The following MED13 variants were observed in gnomAD, a reference collection of about 807,000 sequenced individuals.
MED13 encodes mediator complex subunit 13.
MED13 carries 23 observed loss-of-function variants against 225.2 expected under a neutral mutation model. That is an observed-to-expected ratio of 0.10 (90% CI 0.07 to 0.14). The LOEUF (loss-of-function observed/expected upper bound fraction) is 0.14. Ranked by LOEUF, MED13 falls within the 10% of genes least tolerant of loss-of-function variation. MED13 has a pLI of 1.00. For synonymous variants in MED13, 942 were observed against 889.2 expected, an observed-to-expected ratio of 1.06 and a Z score of -1.06; for missense variants, 2,197 against 2,594.5, an observed-to-expected ratio of 0.85 and a Z score of 3.33.
intron 9 of MED13, among the ~76,000 whole-genome samples, chr17:62,009,583 G>A (rs1384196712): frequency 1.3e-5 from 2 of 152,120 alleles, no homozygotes; most frequent in Non-Finnish European, 2.9e-5. Flanking sequence ...AACTATAGAG[G>A]AAAATATAGT....
chr17:62,009,741 T>TTG (rs1181488510), intron 9 of MED13, among the ~76,000 whole-genome samples: 1 of 152,152 alleles, frequency 6.6e-6, no homozygotes, highest in Non-Finnish European at 1.5e-5. Flanking sequence ...AAAAAAATTC[T>TTG]TATACAAGTA....
rs571724153 is a variant in MED13, at chr17:62,057,020, GA to G, written c.302-4316del. Among the ~76,000 whole-genome samples, 16 of 151,448 alleles carry G rather than the reference GA, an allele frequency of 1.1e-4. No homozygotes were observed. The East Asian group carries it at 2.5e-3, about 24-fold the overall frequency. ...ATCAAAATAATTCTCTATCAATGGG[GA>G]AAAAAAATCACAACCAAAAAAGCAG... On this transcript the variant is annotated intron_variant, in intron 2 of 29. Coordinates refer to ENST00000397786, the MANE Select transcript of MED13 (RefSeq NM_005121.3).
In MED13 at chr17:61,961,588, A is replaced by C. The variant is rs372636975; in HGVS notation, c.5256T>G (p.Asp1752Glu). Residue 1752 changes from aspartate to glutamate, a missense_variant and splice_region_variant, in exon 22 of 30, where the codon GAT becomes GAG. Physicochemically the swap from Asp to Glu is conservative, Grantham distance 45 (BLOSUM62 2). This residue lies in a region of MED13 where 457 missense variants were observed against 442.2 expected (regional missense o/e 1.03). Transcript: ENST00000397786. ...LAMETALRSPDRPECIRLYAP... is the reference protein window; with the variant it reads ...LAMETALRSPERPECIRLYAP... Reference sequence around the variant, plus strand: ...TCGGTCATGAAAAACATATACTTACATCAGGACTTCTAAGGGCAGTTTCCA... The same window carrying C: ...TCGGTCATGAAAAACATATACTTACCTCAGGACTTCTAAGGGCAGTTTCCA... The C allele has an allele frequency of 1.6e-5, 26 of 1,611,420 alleles. No homozygotes were observed. Among genetic ancestry groups the C allele is most frequent in the Non-Finnish European group, 2.2e-5 (26 of 1,178,804 alleles).
intron 3 of MED13, among the ~76,000 whole-genome samples, chr17:62,046,618 T>C (rs2143734572): frequency 6.6e-6 from 1 of 152,256 alleles, no homozygotes; most frequent in South Asian, 2.1e-4. Context: ...AGATGGTGGG[T>C]AGCTTGAGCT....
intron 2 of MED13, among the ~76,000 whole-genome samples, chr17:62,058,747 C>T (rs1398992929): frequency 6.6e-6 from 1 of 152,170 alleles, no homozygotes; most frequent in Admixed American, 6.5e-5. Flanking sequence ...TTGGCTAATA[C>T]TAGTTAGCAC....
At chr17:62,033,729 A>G in intron 5 of MED13, 58 bp downstream of exon 5, 1 of 1,512,158 alleles carries the variant, frequency 6.6e-7, no homozygotes, top group Non-Finnish European at 9.1e-7. Context: ...TCAGCAAAAT[A>G]TAACTAACAC....
At chr17:62,030,130 T>G in intron 6 of MED13, 117 bp from the exon 7 acceptor site, 1 of 1,015,602 alleles carries the variant, frequency 9.8e-7, no homozygotes, top group Non-Finnish European at 1.3e-6. Context: ...GTAAAATTAT[T>G]TATATTTTGA....
At chr17:62,041,670 G>A (rs2080854073) in intron 3 of MED13, among the ~76,000 whole-genome samples, 1 of 151,996 alleles carries the variant, frequency 6.6e-6, no homozygotes, top group Non-Finnish European at 1.5e-5. Flanking sequence ...TCCACCTCCT[G>A]AGCTCAAGCG....
At chr17:62,019,065 G>A (rs950721853) in intron 8 of MED13, among the ~76,000 whole-genome samples, 12 of 152,150 alleles carry the variant, frequency 7.9e-5, no homozygotes, top group African/African-American at 2.9e-4. Flanking sequence ...TATCAAAGAA[G>A]AATATCCACA....
At chr17:61,974,723 C>T (rs148747095) in intron 16 of MED13, among the ~76,000 whole-genome samples, 1,580 of 152,084 alleles carry the variant, frequency 0.01, 17 homozygotes, top group South Asian at 0.038. Flanking sequence ...AACTAGATAT[C>T]CACATGCAAA....
chr17:62,050,334 G>A (rs944187956), intron 3 of MED13, among the ~76,000 whole-genome samples: 1 of 151,532 alleles, frequency 6.6e-6, no homozygotes, highest in Non-Finnish European at 1.5e-5. Context: ...CTCCAGCCTG[G>A]GCAACAAGAG....
chr17:62,017,961 T>C (rs2080599514), intron 8 of MED13, among the ~76,000 whole-genome samples: 1 of 152,202 alleles, frequency 6.6e-6, no homozygotes, highest in Non-Finnish European at 1.5e-5. Context: ...AAAGGACTGG[T>C]AGATAAACTA....
At chr17:61,982,173 A>G (rs758045062) in intron 16 of MED13, 25 bp downstream of exon 16, 2 of 1,568,596 alleles carry the variant, frequency 1.3e-6, no homozygotes, top group Non-Finnish European at 1.7e-6. Flanking sequence ...AGCAAACAAA[A>G]AAGTATTTTA....
chr17:61,967,226 TAATATG>T (rs2080066820), intron 18 of MED13, among the ~76,000 whole-genome samples: 1 of 152,200 alleles, frequency 6.6e-6, no homozygotes. Flanking sequence ...TTTAAAAACC[TAATATG>T]AATTGTAAAT....
At chr17:62,049,436 A>G (rs945168166) in intron 3 of MED13, among the ~76,000 whole-genome samples, 1 of 152,204 alleles carries the variant, frequency 6.6e-6, no homozygotes, top group Non-Finnish European at 1.5e-5. Context: ...TGTCTCTATC[A>G]TAACTATTTA....
intron 17 of MED13, among the ~76,000 whole-genome samples, chr17:61,969,279 G>T (rs75594946): frequency 3.9e-5 from 6 of 151,954 alleles, no homozygotes; most frequent in Non-Finnish European, 5.9e-5. Context: ...TTGAACCCAG[G>T]GGGTGGAGGT....
chr17:61,965,447 G>A lies in MED13; in HGVS notation c.4403C>T (p.Pro1468Leu), dbSNP rs1251767080. The change falls in exon 20 of 30, where the codon CCA becomes CTA. Residue 1468 changes from proline to leucine, a missense_variant. This residue lies in a region of MED13 where 457 missense variants were observed against 442.2 expected (regional missense o/e 1.03). Transcript: ENST00000397786. ...YDLGPYLASL[P>L]LDSSLLSQPN... ...CTGGGAAAGTAGAGAGCTGTCCAAT[G>A]GCAGGGAAGCAAGATAAGGACCTAA... 6.2e-7 allele frequency: 1 copy of A among 1,613,506 alleles called. No individual in the cohort carries two copies. Among genetic ancestry groups the A allele is most frequent in the Non-Finnish European group, 8.5e-7 (1 of 1,179,592 alleles).
intron 1 of MED13, among the ~76,000 whole-genome samples, chr17:62,064,861 G>C (rs143990270): frequency 1.8e-3 from 271 of 152,310 alleles, no homozygotes; most frequent in Non-Finnish European, 3.4e-3. Flanking sequence ...TTACTGTCCT[G>C]CCAGATAAGG....
intron 9 of MED13, among the ~76,000 whole-genome samples, chr17:61,995,890 C>G (rs1488205158): frequency 6.6e-6 from 1 of 151,942 alleles, no homozygotes; most frequent in Non-Finnish European, 1.5e-5. Flanking sequence ...AGCATTATTA[C>G]TATTAATTCT....
Sources: allele counts gnomAD v4.1 joint callset (sites outside exome capture counted in the v4.1 genomes callset), GRCh38; gene constraint gnomAD v4.1.1; regional missense constraint gnomAD v4.1.1; transcripts MANE v1.5; gene names NCBI Gene and HGNC (gene_info 2026-07-23, HGNC 2026-07-21).